CSMD1: variants seen among roughly 807,000 people sequenced by gnomAD.
The protein encoded by CSMD1 is CUB and Sushi multiple domains 1, also known as CUB and sushi domain-containing protein 1.
In CSMD1, 213 loss-of-function variants were observed where a neutral mutation model predicts 417.5. The ratio of observed to expected loss-of-function variants is 0.51; its 90% CI spans 0.46 to 0.57. The LOEUF (loss-of-function observed/expected upper bound fraction) is 0.57. Ranked by LOEUF, CSMD1 falls within the 20% of genes least tolerant of loss-of-function variation. CSMD1 has a pLI of 0.00. For synonymous variants in CSMD1, 2,862 were observed against 1,736.8 expected (o/e 1.65, Z -16.11); for missense variants, 6,923 against 4,529.7 (o/e 1.53, Z -15.17).
At chr8:4,376,348 C>G (rs1361009738) in intron 3 of CSMD1, among the ~76,000 whole-genome samples, 2 of 152,186 alleles carry the variant, frequency 1.3e-5, no homozygotes, top group Non-Finnish European at 2.9e-5. Context: ...TACCTATAAT[C>G]TCAACTCTTA....
At chr8:3,374,927 T>C (rs1810210078) in intron 18 of CSMD1, among the ~76,000 whole-genome samples, 1 of 152,292 alleles carries the variant, frequency 6.6e-6, no homozygotes, top group Non-Finnish European at 1.5e-5. Context: ...AGAAATTGAA[T>C]TCAACAAGTT....
intron 1 of CSMD1, among the ~76,000 whole-genome samples, chr8:4,788,990 G>A (rs1182720908): frequency 6.6e-6 from 1 of 152,104 alleles, no homozygotes; most frequent in Non-Finnish European, 1.5e-5. Flanking sequence ...TAAATTCATG[G>A]TTAGGACTCT....
At chr8:3,493,532 C>A in intron 11 of CSMD1, 91 bp downstream of exon 11, 4 of 1,097,786 alleles carry the variant, frequency 3.6e-6, no homozygotes, top group East Asian at 2.6e-5. Flanking sequence ...CACCTGAGGC[C>A]GAATTACAAG....
intron 3 of CSMD1, among the ~76,000 whole-genome samples, chr8:4,184,705 G>A (rs532023297): frequency 7.4e-4 from 113 of 152,262 alleles, no homozygotes; most frequent in African/African-American, 2.6e-3. Context: ...GTTGGAAGGT[G>A]GGAGGAGGGA....
Position 4,002,486 on chromosome 8 carries a change from G to T in CSMD1, c.611-4376C>A, listed in dbSNP as rs566814786. On this transcript the variant is annotated intron_variant, in intron 4 of 69. Coordinates refer to ENST00000635120, the MANE Select transcript of CSMD1 (RefSeq NM_033225.6). ...CTCTTAGATCTATGAAGCTCTACAGGATGATCAATTTTATAAATAATGCCA... is the reference window on the plus strand; with the variant it reads ...CTCTTAGATCTATGAAGCTCTACAGTATGATCAATTTTATAAATAATGCCA... Among the ~76,000 whole-genome samples, 22 of 152,160 alleles carry T rather than the reference G, an allele frequency of 1.4e-4. 1 individual carries two copies. The South Asian group carries it at 3.5e-3, about 24-fold the overall frequency.
At chr8:4,572,771 G>C (rs573522554) in intron 2 of CSMD1, among the ~76,000 whole-genome samples, 3 of 152,124 alleles carry the variant, frequency 2.0e-5, no homozygotes, top group South Asian at 2.1e-4. Context: ...TCATAGATTT[G>C]GTATTTTCAC....
At chr8:4,353,285 A>C (rs1316016035) in intron 3 of CSMD1, among the ~76,000 whole-genome samples, 1 of 152,010 alleles carries the variant, frequency 6.6e-6, no homozygotes, top group Non-Finnish European at 1.5e-5. Context: ...TGGTTTTATA[A>C]AGGGGAGTTT....
chr8:4,287,357 C>T (rs748711486), intron 3 of CSMD1, among the ~76,000 whole-genome samples: 2 of 152,158 alleles, frequency 1.3e-5, no homozygotes, highest in Non-Finnish European at 2.9e-5. Context: ...TTTAAGAAAG[C>T]ACACAATCTA....
At chr8:4,303,422 G>GTTTTTTTTTT (rs71511194) in intron 3 of CSMD1, among the ~76,000 whole-genome samples, 1 of 85,250 alleles carries the variant, frequency 1.2e-5, no homozygotes, top group African/African-American at 4.8e-5. Flanking sequence ...GCAGGAAGCT[G>GTTTTTTTTTT]TTTTTTTTTT....
chr8:3,948,764 C>T (rs1811411464), intron 5 of CSMD1, among the ~76,000 whole-genome samples: 1 of 152,112 alleles, frequency 6.6e-6, no homozygotes, highest in African/African-American at 2.4e-5. Flanking sequence ...ATGAGCATTT[C>T]TTCAATATGA....
intron 1 of CSMD1, among the ~76,000 whole-genome samples, chr8:4,836,548 C>T (rs60850747): frequency 0.014 from 2,066 of 152,272 alleles, 49 homozygotes; most frequent in African/African-American, 0.048. Flanking sequence ...TATTTAGACA[C>T]AGAGAGGTTT....
chr8:2,965,965 G>A lies in CSMD1; in HGVS notation c.9101-11C>T, dbSNP rs773335357. 2.5e-6 allele frequency: 4 copies of A among 1,591,510 alleles called. No homozygotes were observed. The highest frequency in any genetic ancestry group is 1.3e-5 in the African/African-American group (1 of 74,648). On this transcript the variant is annotated splice_polypyrimidine_tract_variant and intron_variant, in intron 58 of 69. Coordinates refer to ENST00000635120, the MANE Select transcript of CSMD1 (RefSeq NM_033225.6). ...CCCCACAACTTATAACTAATAAACA[G>A]GGAACAGGAAAGAATCAGAGAAATT...
intron 1 of CSMD1, among the ~76,000 whole-genome samples, chr8:4,709,635 C>T (rs535123746): frequency 7.2e-5 from 11 of 152,244 alleles, no homozygotes; most frequent in South Asian, 2.1e-4. Context: ...GGCCAGGAGC[C>T]CAAGACTACT....
At chr8:3,551,592 ATATATTT>A (rs1240420892) in intron 10 of CSMD1, among the ~76,000 whole-genome samples, 3 of 117,226 alleles carry the variant, frequency 2.6e-5, no homozygotes, top group African/African-American at 3.6e-5. Flanking sequence ...ATATATATAT[ATATATTT>A]TTTTTTTTTT....
intron 2 of CSMD1, among the ~76,000 whole-genome samples, chr8:4,457,421 G>C (rs752291880): frequency 1.3e-5 from 2 of 152,080 alleles, no homozygotes; most frequent in African/African-American, 2.4e-5. Context: ...ACTCAGGGGA[G>C]TGACAGGGAA....
At chr8:3,291,303 C>T (rs946581360) in intron 25 of CSMD1, among the ~76,000 whole-genome samples, 21 of 152,214 alleles carry the variant, frequency 1.4e-4, no homozygotes, top group Admixed American at 9.2e-4. Flanking sequence ...TGTTGTGTCT[C>T]TGTCAGGCTT....
Position 4,160,546 on chromosome 8 carries a change from G to A in CSMD1, c.416-128447C>T, listed in dbSNP as rs561895636. 1.2e-4 allele frequency among the ~76,000 whole-genome samples: 19 copies of A among 152,326 alleles called. No individual in the cohort carries two copies. The East Asian group carries it at 3.7e-3, about 29-fold the overall frequency. ...TAAGCAAGGAAAAGGAGATTTTCAG[G>A]TGATTTAAATATCCACGTTTCTCAT... On this transcript the variant is annotated intron_variant, in intron 3 of 69. Coordinates refer to ENST00000635120, the MANE Select transcript of CSMD1 (RefSeq NM_033225.6).
intron 21 of CSMD1, among the ~76,000 whole-genome samples, chr8:3,348,615 A>C (rs1808175091): frequency 6.6e-6 from 1 of 152,184 alleles, no homozygotes; most frequent in Non-Finnish European, 1.5e-5. Context: ...ACTGGGACGC[A>C]TTCAAAGGGG....
intron 3 of CSMD1, among the ~76,000 whole-genome samples, chr8:4,070,004 C>T (rs776686869): frequency 6.6e-6 from 1 of 151,844 alleles, no homozygotes; most frequent in Non-Finnish European, 1.5e-5. Context: ...TTAGAATGTT[C>T]AATGTTCTTA....
Sources: gnomAD v4.1 joint callset for allele counts (sites outside exome capture counted in the v4.1 genomes callset) on GRCh38, gnomAD v4.1.1 for gene constraint, MANE v1.5 for transcripts, NCBI Gene and HGNC (gene_info 2026-07-23, HGNC 2026-07-21) for gene names.